The following TRERF1 variants were observed in gnomAD, a reference collection of about 807,000 sequenced individuals.
TRERF1 encodes the protein transcriptional-regulating factor 1.
Under a neutral mutation model 122.9 loss-of-function variants are expected in TRERF1, and 27 were observed. That is an observed-to-expected ratio of 0.22 (90% CI 0.16 to 0.30). The LOEUF (loss-of-function observed/expected upper bound fraction) is 0.30, where lower values mean the gene tolerates loss of function less well. Ranked by LOEUF, TRERF1 falls within the 10% of genes least tolerant of loss-of-function variation. The pLI is 1.00. For missense variants in TRERF1, 1,248 were observed against 1,560.3 expected (o/e 0.80, Z 3.37); for synonymous variants, 636 against 641.7 (o/e 0.99, Z 0.13).
chr6:42,228,126 T>A lies in TRERF1; in HGVS notation c.*219A>T, dbSNP rs1582382824. 2.1e-6 allele frequency: 1 copy of A among 466,506 alleles called. No homozygotes were observed. Among genetic ancestry groups the A allele is most frequent in the South Asian group, 3.9e-5 (1 of 25,936 alleles). The allele number at this position is 466,506 out of a possible 1,614,324, so 28.9% of individuals were successfully genotyped here. ...GCCCAGATGAAACACCTCTTAAAGA[T>A]AGTTGTGCCAATTATTTATTCCCCC... On this transcript the variant is annotated 3_prime_UTR_variant, in exon 18 of 18. Transcript: ENST00000372922. This position sits in a 1 kb window ranked among gnomAD's most constrained non-coding sequence, Gnocchi z 4.2.
chr6:42,342,138 A>C (rs1042786097), intron 3 of TRERF1, among the ~76,000 whole-genome samples: 3 of 152,262 alleles, frequency 2.0e-5, no homozygotes, highest in African/African-American at 2.4e-5. Flanking sequence ...CAGTGCTCTG[A>C]GGAGGTAAAG....
At chr6:42,272,497 C>G (rs1780408242) in intron 4 of TRERF1, among the ~76,000 whole-genome samples, 1 of 152,178 alleles carries the variant, frequency 6.6e-6, no homozygotes, top group Admixed American at 6.5e-5. Flanking sequence ...GTTAGAAATG[C>G]AGAATCTCAG....
chr6:42,333,571 C>T (rs1018116038), intron 3 of TRERF1, among the ~76,000 whole-genome samples: 2 of 152,248 alleles, frequency 1.3e-5, no homozygotes, highest in African/African-American at 2.4e-5. Flanking sequence ...AAGGCTTGGG[C>T]TTGGCCTGAG....
intron 3 of TRERF1, among the ~76,000 whole-genome samples, chr6:42,302,006 T>G (rs530364358): frequency 4.9e-4 from 75 of 152,328 alleles, no homozygotes; most frequent in African/African-American, 1.8e-3. Flanking sequence ...GGCACCCACC[T>G]GCTGTGTTCA....
At chr6:42,432,366 G>T (rs922658748) in intron 2 of TRERF1, among the ~76,000 whole-genome samples, 1 of 152,128 alleles carries the variant, frequency 6.6e-6, no homozygotes, top group Non-Finnish European at 1.5e-5. Context: ...TTTCAACTCT[G>T]ATCATTTCTA....
intron 2 of TRERF1, among the ~76,000 whole-genome samples, chr6:42,436,810 A>ATATATATAT (rs1235613225): frequency 5.2e-4 from 53 of 102,212 alleles, no homozygotes; most frequent in Non-Finnish European, 5.6e-4. Flanking sequence ...CAAAAAAAAA[A>ATATATATAT]AAAAATATAT....
chr6:42,377,218 T>A (rs376677953), intron 2 of TRERF1, among the ~76,000 whole-genome samples: 20 of 152,342 alleles, frequency 1.3e-4, no homozygotes, highest in African/African-American at 4.8e-4. Flanking sequence ...TTTTAAAGTG[T>A]ACAATTCACT....
intron 2 of TRERF1, among the ~76,000 whole-genome samples, chr6:42,379,714 A>G (rs1262023139): frequency 1.3e-5 from 2 of 152,124 alleles, no homozygotes; most frequent in East Asian, 1.9e-4. Context: ...TATTTTTGGT[A>G]GAGACAGAGT....
intron 3 of TRERF1, among the ~76,000 whole-genome samples, chr6:42,356,189 C>A (rs1770501518): frequency 6.6e-6 from 1 of 152,208 alleles, no homozygotes; most frequent in Non-Finnish European, 1.5e-5. Flanking sequence ...CTGCAGGGCC[C>A]CTGGACCAGT....
chr6:42,441,931 G>C (rs950663482), intron 2 of TRERF1, among the ~76,000 whole-genome samples: 14 of 152,108 alleles, frequency 9.2e-5, no homozygotes, highest in African/African-American at 3.4e-4. Flanking sequence ...CAGGCACACA[G>C]AGCCATCAAG....
chr6:42,366,639 G>A (rs998747830), intron 2 of TRERF1, among the ~76,000 whole-genome samples: 46 of 152,244 alleles, frequency 3.0e-4, no homozygotes, highest in African/African-American at 1.0e-3. Context: ...AGCTTGAAAT[G>A]TGAGAAATCC....
At chr6:42,311,765 CA>C (rs10530333) in intron 3 of TRERF1, among the ~76,000 whole-genome samples, 2,288 of 34,462 alleles carry the variant, frequency 0.066, 20 homozygotes, top group African/African-American at 0.15. Context: ...GACTCCGTCT[CA>C]AAAAAAAAAA....
intron 2 of TRERF1, among the ~76,000 whole-genome samples, chr6:42,445,647 A>G (rs1787380168): frequency 6.6e-6 from 1 of 152,054 alleles, no homozygotes; most frequent in Admixed American, 6.5e-5. Flanking sequence ...ATCTCAGGAA[A>G]CAGCACCACC....
chr6:42,357,874 A>G (rs1213960896), intron 3 of TRERF1, among the ~76,000 whole-genome samples: 1 of 152,180 alleles, frequency 6.6e-6, no homozygotes, highest in East Asian at 1.9e-4. Flanking sequence ...GGTTGGGTGT[A>G]TGTTTGGGGA....
chr6:42,311,765 C>CAA (rs10530333), intron 3 of TRERF1, among the ~76,000 whole-genome samples: 461 of 32,936 alleles, frequency 0.014, 5 homozygotes, highest in Non-Finnish European at 0.017. Context: ...GACTCCGTCT[C>CAA]AAAAAAAAAA....
intron 7 of TRERF1, among the ~76,000 whole-genome samples, chr6:42,264,001 A>C (rs1019207335): frequency 6.6e-6 from 1 of 152,250 alleles, no homozygotes; most frequent in African/African-American, 2.4e-5. Context: ...TGGAGATACA[A>C]AACATGTACT....
intron 2 of TRERF1, among the ~76,000 whole-genome samples, chr6:42,396,070 C>A (rs1005518674): frequency 2.0e-5 from 3 of 152,186 alleles, no homozygotes; most frequent in African/African-American, 7.2e-5. Flanking sequence ...CCCCTTCACA[C>A]CTGGAATGTC....
intron 3 of TRERF1, among the ~76,000 whole-genome samples, chr6:42,359,415 G>A (rs1581774988): frequency 6.6e-6 from 1 of 152,108 alleles, no homozygotes; most frequent in East Asian, 1.9e-4. Context: ...TCCCTCCAGA[G>A]CCTCCAGACT....
At chr6:42,436,811 AAAAATATATATATAT>A (rs1371339311) in intron 2 of TRERF1, among the ~76,000 whole-genome samples, 4 of 111,554 alleles carry the variant, frequency 3.6e-5, no homozygotes, top group Non-Finnish European at 5.4e-5. Context: ...AAAAAAAAAA[AAAAATATATATATAT>A]ATATATATAT....
Sources: gnomAD v4.1 joint callset for allele counts (sites outside exome capture counted in the v4.1 genomes callset) on GRCh38, gnomAD v4.1.1 for gene constraint, Gnocchi (gnomAD v3.1) non-coding constraint, MANE v1.5 for transcripts, NCBI Gene and HGNC (gene_info 2026-07-23, HGNC 2026-07-21) for gene names.